Variants in STT3B observed in about 807,000 individuals in gnomAD.
STT3B encodes the protein dolichyl-diphosphooligosaccharide--protein glycosyltransferase subunit STT3B.
Under a neutral mutation model 96.8 loss-of-function variants are expected in STT3B, and 29 were observed. The ratio of observed to expected loss-of-function variants is 0.30; its 90% CI spans 0.22 to 0.41. The LOEUF is 0.41. Among genes scored for constraint, STT3B ranks in the 10% least tolerant of loss-of-function variants. The pLI, the probability that STT3B is intolerant of heterozygous loss-of-function variation, is 1.00. For missense variants in STT3B, 640 were observed against 1,022.3 expected, an observed-to-expected ratio of 0.63 and a Z score of 5.10; for synonymous variants, 367 against 360.0, an observed-to-expected ratio of 1.02 and a Z score of -0.22.
intron 7 of STT3B, 101 bp from the exon 8 acceptor site, chr3:31,617,839 T>G: frequency 1.2e-6 from 1 of 819,464 alleles, no homozygotes; most frequent in Non-Finnish European, 2.1e-6. Context: ...TCTTTGAACA[T>G]TAGTTTGTCT....
At chr3:31,633,492 TTA>T (rs1202478137) in intron 15 of STT3B, among the ~76,000 whole-genome samples, 1 of 152,148 alleles carries the variant, frequency 6.6e-6, no homozygotes, top group Non-Finnish European at 1.5e-5. Flanking sequence ...CAGAGCAAAT[TTA>T]TATTGCATCT....
intron 11 of STT3B, among the ~76,000 whole-genome samples, chr3:31,624,182 T>C (rs1699485311): frequency 6.6e-6 from 1 of 152,178 alleles, no homozygotes; most frequent in South Asian, 2.1e-4. Context: ...TATTTTTGAC[T>C]GTAATCACAC....
intron 5 of STT3B, among the ~76,000 whole-genome samples, chr3:31,603,077 C>T (rs1420892056): frequency 6.6e-6 from 1 of 151,938 alleles, no homozygotes; most frequent in Non-Finnish European, 1.5e-5. Flanking sequence ...CTTTTGTTCT[C>T]TCTCCCCTTG....
At chr3:31,572,895 T>G (rs1575420814) in intron 1 of STT3B, among the ~76,000 whole-genome samples, 2 of 152,228 alleles carry the variant, frequency 1.3e-5, no homozygotes, top group East Asian at 3.8e-4. Context: ...GATGCTGTGC[T>G]TGGTGTTGGA....
intron 1 of STT3B, among the ~76,000 whole-genome samples, chr3:31,544,815 G>C (rs1697361103): frequency 6.6e-6 from 1 of 151,962 alleles, no homozygotes; most frequent in Non-Finnish European, 1.5e-5. Flanking sequence ...ATCTCTACTA[G>C]AAATACAAAA....
At chr3:31,626,990 G>A (rs1182108819) in intron 13 of STT3B, among the ~76,000 whole-genome samples, 3 of 152,196 alleles carry the variant, frequency 2.0e-5, no homozygotes, top group Admixed American at 1.3e-4. Flanking sequence ...CACCTGACAC[G>A]TGTGTTTTTA....
At chr3:31,590,828 A>G (rs1231086501) in intron 3 of STT3B, among the ~76,000 whole-genome samples, 3 of 152,026 alleles carry the variant, frequency 2.0e-5, no homozygotes, top group Non-Finnish European at 4.4e-5. Context: ...CATAGTTGTG[A>G]CAGATCTGGC....
At chr3:31,595,388 G>A (rs531743418) in intron 3 of STT3B, among the ~76,000 whole-genome samples, 3 of 152,256 alleles carry the variant, frequency 2.0e-5, no homozygotes, top group South Asian at 4.1e-4. Flanking sequence ...TAGCTCAGCT[G>A]TTTTCTGTTT....
chr3:31,559,389 G>A (rs1236201201), intron 1 of STT3B, among the ~76,000 whole-genome samples: 1 of 150,288 alleles, frequency 6.7e-6, no homozygotes, highest in Non-Finnish European at 1.5e-5. Flanking sequence ...GTTTGGGTAT[G>A]TCATGTTTAG....
chr3:31,627,370 A>T (rs1359610205), intron 13 of STT3B, among the ~76,000 whole-genome samples: 1 of 152,202 alleles, frequency 6.6e-6, no homozygotes, highest in Non-Finnish European at 1.5e-5. Context: ...AGTTTCATCT[A>T]GAAACCAGCA....
intron 1 of STT3B, among the ~76,000 whole-genome samples, chr3:31,534,612 G>A (rs748503097): frequency 2.6e-5 from 4 of 152,110 alleles, no homozygotes; most frequent in Non-Finnish European, 5.9e-5. Context: ...GTGGAGGGGG[G>A]CAGTAACTTA....
intron 1 of STT3B, among the ~76,000 whole-genome samples, chr3:31,535,462 G>A (rs1191679968): frequency 1.3e-5 from 2 of 151,990 alleles, no homozygotes; most frequent in South Asian, 2.1e-4. Flanking sequence ...GGTGGCTCAC[G>A]CCTGTAATCC....
chr3:31,594,228 A>G (rs1000581768), intron 3 of STT3B, among the ~76,000 whole-genome samples: 2 of 152,116 alleles, frequency 1.3e-5, no homozygotes, highest in African/African-American at 4.8e-5. Flanking sequence ...CCCACTGCCA[A>G]GCAGTTAATT....
chr3:31,537,949 A>T (rs1387209645), intron 1 of STT3B, among the ~76,000 whole-genome samples: 1 of 152,200 alleles, frequency 6.6e-6, no homozygotes, highest in Non-Finnish European at 1.5e-5. Context: ...AAGTGACCAA[A>T]TCATGTTTTT....
chr3:31,611,781 G>A (rs1175520073), intron 5 of STT3B, among the ~76,000 whole-genome samples: 1 of 152,146 alleles, frequency 6.6e-6, no homozygotes, highest in Non-Finnish European at 1.5e-5. Context: ...ACAGGTGTGA[G>A]CCATCATGCC....
chr3:31,625,382 TG>T (rs1559391861), intron 12 of STT3B, among the ~76,000 whole-genome samples: 2 of 152,238 alleles, frequency 1.3e-5, no homozygotes, highest in African/African-American at 2.4e-5. Context: ...GTATTTTTCG[TG>T]TTATAAACTA....
In STT3B at chr3:31,535,548, A is replaced by AC. The variant is rs549229516; in HGVS notation, c.314+2241dup. On this transcript the variant is annotated intron_variant, in intron 1 of 15. Coordinates refer to ENST00000295770, the MANE Select transcript of STT3B (RefSeq NM_178862.3). ...AGACCAGCCTGGCCAACATGGTGAA[A>AC]CCCCCTCTCTACTAAAAATACAAAA... Among the ~76,000 whole-genome samples the AC allele has an allele frequency of 8.4e-4, 127 of 151,954 alleles. 2 individuals carry two copies. The highest frequency in any genetic ancestry group is 2.8e-3 in the African/African-American group (118 of 41,478).
At position 31,601,244 on chromosome 3, in the gene STT3B, T is replaced by C. The variant is rs1212243031; in HGVS notation, c.877+785T>C. ...AAACATATATTCATACAAAAGCTTCTATGTGAATGTTTATAGCAGCATTTA... is the reference window on the plus strand; with the variant it reads ...AAACATATATTCATACAAAAGCTTCCATGTGAATGTTTATAGCAGCATTTA... On this transcript the variant is annotated intron_variant, in intron 5 of 15. Transcript: ENST00000295770. Among the ~76,000 whole-genome samples, 3 of 152,168 alleles carry C rather than the reference T, an allele frequency of 2.0e-5. No homozygotes were observed. In the East Asian group the frequency reaches 5.8e-4, roughly 29 times the overall value.
intron 4 of STT3B, among the ~76,000 whole-genome samples, chr3:31,598,803 A>G (rs1698853164): frequency 6.6e-6 from 1 of 150,958 alleles, no homozygotes; most frequent in Non-Finnish European, 1.5e-5. Flanking sequence ...TAACCTGTAA[A>G]TTTACTTACT....
Sources: gnomAD v4.1 joint callset for allele counts (sites outside exome capture counted in the v4.1 genomes callset) on GRCh38, gnomAD v4.1.1 for gene constraint, MANE v1.5 for transcripts, NCBI Gene and HGNC (gene_info 2026-07-23, HGNC 2026-07-21) for gene names.